DCLK2: variants seen among roughly 807,000 people sequenced by gnomAD.
DCLK2 encodes doublecortin like kinase 2.
A neutral mutation model predicts 78.4 loss-of-function variants in DCLK2; 31 were observed. The ratio of observed to expected loss-of-function variants is 0.40; its 90% confidence interval spans 0.30 to 0.53. The LOEUF (loss-of-function observed/expected upper bound fraction) is 0.53. DCLK2 is among the 20% of genes least tolerant of loss of function. The pLI is 0.61. For missense variants in DCLK2, 872 were observed against 973.7 expected, an observed-to-expected ratio of 0.90 and a Z score of 1.39; for synonymous variants, 407 against 374.9, an observed-to-expected ratio of 1.09 and a Z score of -0.99.
At chr4:150,213,867 A>G (rs1201142096) in intron 5 of DCLK2, among the ~76,000 whole-genome samples, 1 of 152,220 alleles carries the variant, frequency 6.6e-6, no homozygotes, top group African/African-American at 2.4e-5. Context: ...CTTAGAGGAT[A>G]GGACAGTGTG....
chr4:150,161,304 A>G (rs1197811024), intron 2 of DCLK2, among the ~76,000 whole-genome samples: 1 of 152,224 alleles, frequency 6.6e-6, no homozygotes, highest in Admixed American at 6.5e-5. Context: ...ACTAACCTCT[A>G]TAAATTAGAA....
intron 2 of DCLK2, among the ~76,000 whole-genome samples, chr4:150,107,072 G>C (rs1244352199): frequency 6.6e-6 from 1 of 152,148 alleles, no homozygotes. Context: ...ACTGGCATCC[G>C]GTGGGTAGAA....
intron 1 of DCLK2, among the ~76,000 whole-genome samples, chr4:150,087,012 G>C (rs1333720373): frequency 6.6e-5 from 10 of 151,922 alleles, no homozygotes; most frequent in African/African-American, 2.4e-4. Flanking sequence ...TTTTAATTTT[G>C]TGAGTCAGAA....
chr4:150,081,510 A>G (rs1253883884), intron 1 of DCLK2, among the ~76,000 whole-genome samples: 1 of 147,906 alleles, frequency 6.8e-6, no homozygotes, highest in African/African-American at 2.4e-5. Flanking sequence ...AAATAGTTGC[A>G]CAGCCAAAAT....
intron 2 of DCLK2, among the ~76,000 whole-genome samples, chr4:150,162,721 T>C (rs1239451609): frequency 6.6e-6 from 1 of 152,182 alleles, no homozygotes; most frequent in African/African-American, 2.4e-5. Flanking sequence ...TCCTCCTGCC[T>C]CAGCCTCCCA....
In DCLK2 at chr4:150,167,003, C is replaced by T. The variant is rs961511627; in HGVS notation, c.757-26135C>T. Reference sequence around the variant, plus strand: ...TGATTAAAGAGTAGTTCACTGGGCCCGCCTGGGTGCATTATTCTCATTGGG... The same window carrying T: ...TGATTAAAGAGTAGTTCACTGGGCCTGCCTGGGTGCATTATTCTCATTGGG... On this transcript the variant is annotated intron_variant, in intron 2 of 15. Transcript: ENST00000296550. Among the ~76,000 whole-genome samples the T allele has an allele frequency of 1.3e-4, 20 of 152,184 alleles. 1 individual carries two copies. The highest frequency in any genetic ancestry group is 2.4e-4 in the African/African-American group (10 of 41,530).
At chr4:150,136,979 CTTTTTTTTTTTT>C (rs35729685) in intron 2 of DCLK2, among the ~76,000 whole-genome samples, 2 of 82,406 alleles carry the variant, frequency 2.4e-5, no homozygotes, top group African/African-American at 4.5e-5. Flanking sequence ...TCTTCTTCTT[CTTTTTTTTTTTT>C]TTTTTTTTTT....
chr4:150,085,570 G>A (rs772627396), intron 1 of DCLK2, among the ~76,000 whole-genome samples: 9 of 152,096 alleles, frequency 5.9e-5, no homozygotes, highest in Non-Finnish European at 1.3e-4. Flanking sequence ...TGTTACAATG[G>A]CAATTAAATT....
chr4:150,253,148 C>G, intron 15 of DCLK2: 1 of 466,394 alleles, frequency 2.1e-6, no homozygotes, highest in South Asian at 1.5e-5. Flanking sequence ...ACTGTGTGTC[C>G]TGTCTTCGGA....
intron 2 of DCLK2, among the ~76,000 whole-genome samples, chr4:150,190,239 A>T (rs773263049): frequency 0.24 from 10,473 of 43,052 alleles, 513 homozygotes; most frequent in East Asian, 0.36. Flanking sequence ...GGATAGTTAG[A>T]TAGATAGATA....
chr4:150,134,613 T>C (rs920946977), intron 2 of DCLK2, among the ~76,000 whole-genome samples: 2 of 152,212 alleles, frequency 1.3e-5, no homozygotes, highest in South Asian at 2.1e-4. Context: ...AAGTTGCTTA[T>C]ATTACTTTGA....
chr4:150,145,257 C>T (rs1237757605), intron 2 of DCLK2, among the ~76,000 whole-genome samples: 1 of 152,190 alleles, frequency 6.6e-6, no homozygotes, highest in African/African-American at 2.4e-5. Flanking sequence ...ATTTCCTCTG[C>T]ATTACCAGGC....
At position 150,221,727 on chromosome 4, in the gene DCLK2, A is replaced by G; in HGVS notation, c.1183A>G (p.Lys395Glu). 2 of 1,607,854 alleles carry G rather than the reference A, an allele frequency of 1.2e-6. No individual in the cohort carries two copies. The highest frequency in any genetic ancestry group is 1.7e-6 in the Non-Finnish European group (2 of 1,177,798). The change falls in exon 7 of 16, where the codon AAA (lysine) becomes GAA (glutamate). Residue 395 changes from lysine to glutamate, a missense_variant. Lys to Glu is a moderately conservative substitution (Grantham distance 56). This residue lies in a region of DCLK2 where 567 missense variants were observed against 593.4 expected (regional missense o/e 0.96). Coordinates refer to ENST00000296550, the MANE Select transcript of DCLK2 (RefSeq NM_001040260.4). ...SESSTLLEKY[K>E]IGKVIGDGNF... ...ATCATCAACTCTTCTTGAGAAATAC[A>G]AAATTGGAAAGGTCATTGGTGATGG...
chr4:150,165,798 C>T (rs916943492), intron 2 of DCLK2, among the ~76,000 whole-genome samples: 2 of 152,086 alleles, frequency 1.3e-5, no homozygotes, highest in African/African-American at 4.8e-5. Flanking sequence ...AAACTTAATC[C>T]CCAGTGCAAC....
intron 2 of DCLK2, among the ~76,000 whole-genome samples, chr4:150,174,108 C>T (rs1377052430): frequency 1.3e-5 from 2 of 152,148 alleles, no homozygotes; most frequent in African/African-American, 2.4e-5. Context: ...GCAGTCACCA[C>T]TACTCAGATA....
chr4:150,148,963 T>C (rs986196871), intron 2 of DCLK2, among the ~76,000 whole-genome samples: 20 of 145,140 alleles, frequency 1.4e-4, no homozygotes, highest in African/African-American at 4.9e-4. Flanking sequence ...ACTTTAACCA[T>C]GGAGGCAGAG....
chr4:150,091,587 A>C (rs1730077504), intron 1 of DCLK2, among the ~76,000 whole-genome samples: 1 of 152,176 alleles, frequency 6.6e-6, no homozygotes, highest in African/African-American at 2.4e-5. Flanking sequence ...ATCTGCCACA[A>C]ATGTCAAGAC....
chr4:150,248,336 T>A lies in DCLK2; in HGVS notation c.1907T>A (p.Val636Asp). Residue 636 changes from valine to aspartate, a missense_variant, in exon 14 of 16, where the codon GTT becomes GAT. Coordinates refer to ENST00000296550, the MANE Select transcript of DCLK2 (RefSeq NM_001040260.4). ...ELISQMLQVN[V>D]EARCTAGQIL... ...ATCAGTCAAATGCTTCAGGTAAATG[T>A]TGAAGCTCGGTGTACCGCGGGACAA... 6.2e-7 allele frequency: 1 copy of A among 1,613,980 alleles called. No homozygotes were observed. Among genetic ancestry groups the A allele is most frequent in the Non-Finnish European group, 8.5e-7 (1 of 1,179,984 alleles).
At chr4:150,121,010 G>T (rs548540616) in intron 2 of DCLK2, among the ~76,000 whole-genome samples, 2 of 152,154 alleles carry the variant, frequency 1.3e-5, no homozygotes, top group Non-Finnish European at 2.9e-5. Context: ...GGCAGAGGTT[G>T]CAGTGAACCG....
Sources: gnomAD v4.1 joint callset for allele counts (sites outside exome capture counted in the v4.1 genomes callset) on GRCh38, gnomAD v4.1.1 for gene constraint, gnomAD v4.1.1 regional missense constraint, MANE v1.5 for transcripts, NCBI Gene and HGNC (gene_info 2026-07-23, HGNC 2026-07-21) for gene names.